MED13L: variants seen among roughly 807,000 people sequenced by gnomAD.
The protein encoded by MED13L is mediator of RNA polymerase II transcription subunit 13-like.
Under a neutral mutation model 220.9 loss-of-function variants are expected in MED13L, and 7 were observed. That is an observed-to-expected ratio of 0.03 (90% CI 0.02 to 0.06). The LOEUF is 0.06. MED13L is among the 10% of genes least tolerant of loss of function. MED13L has a pLI of 1.00. For synonymous variants in MED13L, 1,011 were observed against 1,015.2 expected (o/e 1.00, Z 0.08); for missense variants, 1,965 against 2,760.5 (o/e 0.71, Z 6.46).
intron 29 of MED13L, among the ~76,000 whole-genome samples, chr12:115,965,009 AAC>A (rs1260662880): frequency 6.6e-6 from 1 of 152,248 alleles, no homozygotes; most frequent in African/African-American, 2.4e-5. Context: ...CAAAATAAAG[AAC>A]ACATGCATTT....
intron 1 of MED13L, among the ~76,000 whole-genome samples, chr12:116,267,651 C>T (rs1449464682): frequency 6.6e-6 from 1 of 152,182 alleles, no homozygotes; most frequent in African/African-American, 2.4e-5. Context: ...AGTTTCCCTA[C>T]TACCAGGTTA....
chr12:116,159,778 T>TTAATTCCA (rs1878721325), intron 2 of MED13L, among the ~76,000 whole-genome samples: 1 of 150,612 alleles, frequency 6.6e-6, no homozygotes, highest in Non-Finnish European at 1.5e-5. Context: ...ATCTACATAT[T>TTAATTCCA]TAATTCCATA....
chr12:116,130,193 T>C (rs989522563), intron 2 of MED13L, among the ~76,000 whole-genome samples: 5 of 152,182 alleles, frequency 3.3e-5, no homozygotes, highest in African/African-American at 1.2e-4. Flanking sequence ...CTTGTATAAA[T>C]TTAAGAAAAA....
Position 116,051,004 on chromosome 12 carries a change from A to G in MED13L, c.480-28403T>C, listed in dbSNP as rs142340716. On this transcript the variant is annotated intron_variant, in intron 4 of 30. Coordinates refer to ENST00000281928, the MANE Select transcript of MED13L (RefSeq NM_015335.5). ...AAATATAAGTGCTCATTTTTCAAAT[A>G]TTTAACAACATATCTTTAAATGTAT... Among the ~76,000 whole-genome samples the G allele has an allele frequency of 3.9e-5, 6 of 152,312 alleles. No individual in the cohort carries two copies. The East Asian group carries it at 1.2e-3, about 29-fold the overall frequency.
In MED13L at chr12:115,975,525, A is replaced by G. The variant is rs1340923647; in HGVS notation, c.5578T>C (p.Leu1860=). The change falls in exon 24 of 31, where the codon TTA becomes CTA. Residue 1860 remains leucine, a synonymous_variant. Transcript: ENST00000281928. ...LLETCVVNIA[L]PNRSRRSKVS... Reference sequence around the variant, plus strand: ...ATCAAGTCTTCTCACCTGTTTGGTAAAGCAATATTTACAACGCAGGTCTCT... The same window carrying G: ...ATCAAGTCTTCTCACCTGTTTGGTAGAGCAATATTTACAACGCAGGTCTCT... 4 of 1,613,944 alleles carry G rather than the reference A, an allele frequency of 2.5e-6. No individual in the cohort carries two copies. Among genetic ancestry groups the G allele is most frequent in the East Asian group, 4.5e-5 (2 of 44,864 alleles).
intron 2 of MED13L, among the ~76,000 whole-genome samples, chr12:116,168,396 C>T (rs1226909213): frequency 6.6e-6 from 1 of 150,702 alleles, no homozygotes; most frequent in African/African-American, 2.4e-5. Flanking sequence ...AAACACAACA[C>T]TAGATAATAG....
chr12:116,029,352 A>C (rs1287817700), intron 4 of MED13L, among the ~76,000 whole-genome samples: 3 of 150,160 alleles, frequency 2.0e-5, no homozygotes, highest in Non-Finnish European at 4.5e-5. Flanking sequence ...ATAAGTGCAA[A>C]GGTATGGAGA....
intron 21 of MED13L, 66 bp downstream of exon 21, chr12:115,983,051 G>A: frequency 1.3e-6 from 2 of 1,526,866 alleles, no homozygotes; most frequent in South Asian, 1.1e-5. Flanking sequence ...GGGAGAAAAG[G>A]TGCAGAAGAA....
At chr12:115,979,841 T>C (rs1337625468) in intron 23 of MED13L, among the ~76,000 whole-genome samples, 1 of 152,192 alleles carries the variant, frequency 6.6e-6, no homozygotes, top group African/African-American at 2.4e-5. Context: ...CAAGATAAGG[T>C]GATTAGAAAA....
Position 116,200,267 on chromosome 12 carries a change from C to T in MED13L, c.310+37201G>A, listed in dbSNP as rs2138306164. 2.6e-5 allele frequency among the ~76,000 whole-genome samples: 4 copies of T among 151,950 alleles called. No homozygotes were observed. In the South Asian group the frequency reaches 8.3e-4, roughly 31 times the overall value. ...TACCCCAGGAAAAAAGTAATAATGG[C>T]CACACTGCAGTCATTCAACATTTCC... On this transcript the variant is annotated intron_variant, in intron 2 of 30. Coordinates refer to ENST00000281928, the MANE Select transcript of MED13L (RefSeq NM_015335.5).
rs1879233736 is a variant in MED13L at position 116,009,103 on chromosome 12, C to G, written c.1310G>C (p.Gly437Ala). ...AGATACTGTGGGAGGTCGATTGGGC[C>G]CGACTGCACAACGTTTTAAAAGCTT... is the stretch of plus-strand genomic sequence containing the variant. ...RHKLLKRCAV[G>A]PNRPPTVSQP... Residue 437 changes from glycine (G) to alanine (A), a missense_variant, in exon 10 of 31, where the codon GGG (glycine) becomes GCG (alanine). This residue lies in a region of MED13L where 818 missense variants were observed against 1,041.2 expected (regional missense o/e 0.79). Coordinates refer to ENST00000281928, the MANE Select transcript of MED13L (RefSeq NM_015335.5). The G allele has an allele frequency of 6.2e-7, 1 of 1,613,830 alleles. No individual in the cohort carries two copies. Among genetic ancestry groups the G allele is most frequent in the Non-Finnish European group, 8.5e-7 (1 of 1,179,968 alleles).
intron 28 of MED13L, among the ~76,000 whole-genome samples, chr12:115,968,028 A>C (rs949520938): frequency 6.7e-6 from 1 of 148,248 alleles, no homozygotes; most frequent in Non-Finnish European, 1.5e-5. Flanking sequence ...CCAGCGTCTA[A>C]TAAATTCAGT....
At chr12:115,968,873 A>C in intron 28 of MED13L, 67 bp downstream of exon 28, 1 of 1,574,436 alleles carries the variant, frequency 6.4e-7, no homozygotes, top group South Asian at 1.1e-5. Context: ...AGATGATCAG[A>C]TGTCCAGTGG....
chr12:116,033,405 T>G (rs2137508506), intron 4 of MED13L, among the ~76,000 whole-genome samples: 1 of 152,334 alleles, frequency 6.6e-6, no homozygotes, highest in South Asian at 2.1e-4. Flanking sequence ...TAAAAACTTC[T>G]TAATTCAAGT....
At chr12:116,266,623 T>C (rs922726384) in intron 1 of MED13L, among the ~76,000 whole-genome samples, 14 of 152,232 alleles carry the variant, frequency 9.2e-5, no homozygotes, top group African/African-American at 3.4e-4. Context: ...TAAATAGCAT[T>C]TGAGTTTTAT....
intron 1 of MED13L, among the ~76,000 whole-genome samples, chr12:116,269,009 T>A (rs1017506628): frequency 5.3e-5 from 8 of 152,230 alleles, no homozygotes; most frequent in Non-Finnish European, 2.9e-5. Flanking sequence ...GGTAAACATG[T>A]GCCATGGTGA....
intron 4 of MED13L, among the ~76,000 whole-genome samples, chr12:116,031,742 A>AGG (rs1309466634): frequency 0.047 from 2,991 of 63,792 alleles, 203 homozygotes; most frequent in African/African-American, 0.087. Flanking sequence ...AAAGAAAAGA[A>AGG]AAGAAAAGAA....
intron 1 of MED13L, among the ~76,000 whole-genome samples, chr12:116,255,017 GA>G (rs966506699): frequency 2.6e-5 from 4 of 151,776 alleles, no homozygotes; most frequent in Non-Finnish European, 4.4e-5. Flanking sequence ...AATCCCCACA[GA>G]AAAAAAATTT....
At chr12:116,151,011 T>G (rs182526401) in intron 2 of MED13L, among the ~76,000 whole-genome samples, 35 of 152,220 alleles carry the variant, frequency 2.3e-4, no homozygotes, top group Admixed American at 1.2e-3. Context: ...TGTTCAACTT[T>G]GTCTCTGACT....
Sources: gnomAD v4.1 joint callset for allele counts (sites outside exome capture counted in the v4.1 genomes callset) on GRCh38, gnomAD v4.1.1 for gene constraint, gnomAD v4.1.1 regional missense constraint, MANE v1.5 for transcripts, NCBI Gene and HGNC (gene_info 2026-07-23, HGNC 2026-07-21) for gene names.